The following KLF8 variants were observed in gnomAD, a reference collection of about 807,000 sequenced individuals.
The protein encoded by KLF8 is Krueppel-like factor 8.
Under a neutral mutation model 18.2 loss-of-function variants are expected in KLF8, and 10 were observed. The observed-to-expected ratio is 0.55, with a 90% CI of 0.34 to 0.93. KLF8 has a LOEUF of 0.93. Among genes scored for constraint, KLF8 ranks in the 40% least tolerant of loss-of-function variants. The pLI, the probability that KLF8 is intolerant of heterozygous loss-of-function variation, is 0.02. For missense variants in KLF8, 264 were observed against 277.9 expected, an observed-to-expected ratio of 0.95 and a Z score of 0.36; for synonymous variants, 109 against 97.3, an observed-to-expected ratio of 1.12 and a Z score of -0.71.
chrX:55,943,881 G>A, the KLF8 span, among the ~76,000 whole-genome samples: 1 of 112,151 alleles, frequency 8.9e-6, no homozygotes, highest in Admixed American at 9.4e-5. Flanking sequence ...GCTGGATGGG[G>A]TAGAGGTTTC....
At chrX:56,259,973 A>G (rs1280054851) in intron 2 of KLF8, among the ~76,000 whole-genome samples, 1 of 111,115 alleles carries the variant, frequency 9.0e-6, no homozygotes, top group African/African-American at 3.3e-5. Flanking sequence ...TCTGAAATCA[A>G]GTTATTGTCA....
At chrX:56,036,282 T>A in the KLF8 span, among the ~76,000 whole-genome samples, 2 of 111,644 alleles carry the variant, frequency 1.8e-5, no homozygotes, top group Non-Finnish European at 3.8e-5. Flanking sequence ...ATTTTCTCTA[T>A]ATTTTCTACT....
At chrX:56,229,083 G>T (rs1395050735), upstream of KLF8, among the ~76,000 whole-genome samples, 1 of 109,903 alleles carries the variant, frequency 9.1e-6, no homozygotes, top group Non-Finnish European at 1.9e-5. Context: ...TATTGTTGTT[G>T]TTCTACTGGG....
chrX:55,909,374 G>A, the KLF8 span, among the ~76,000 whole-genome samples: 1 of 112,505 alleles, frequency 8.9e-6, no homozygotes, highest in East Asian at 2.8e-4. Context: ...GTTGACTGCT[G>A]TTTTAGCTCA....
chrX:56,188,196 G>A, the KLF8 span, among the ~76,000 whole-genome samples: 1 of 111,119 alleles, frequency 9.0e-6, no homozygotes, highest in Admixed American at 9.6e-5. Flanking sequence ...CAAAATCAAT[G>A]TACAAAAATC....
At chrX:56,216,340 G>A in the KLF8 span, among the ~76,000 whole-genome samples, 1 of 109,749 alleles carries the variant, frequency 9.1e-6, no homozygotes, top group Non-Finnish European at 1.9e-5. Flanking sequence ...ATGTTAAGTG[G>A]CTCCTCAACA....
chrX:56,241,754 C>T (rs2066547614), intron 1 of KLF8, among the ~76,000 whole-genome samples: 1 of 111,865 alleles, frequency 8.9e-6, no homozygotes, highest in South Asian at 3.7e-4. Flanking sequence ...AATGATTTTC[C>T]CATTGTTTCA....
chrX:56,240,007 T>C (rs2066523543), intron 1 of KLF8, among the ~76,000 whole-genome samples: 1 of 112,398 alleles, frequency 8.9e-6, no homozygotes, highest in Non-Finnish European at 1.9e-5. Context: ...TGTTTCTTCC[T>C]ATACGTTCAA....
the KLF8 span, among the ~76,000 whole-genome samples, chrX:55,946,827 G>A: frequency 3.6e-5 from 4 of 111,159 alleles, no homozygotes; most frequent in Non-Finnish European, 7.5e-5. Flanking sequence ...GTGGGCAAAG[G>A]ACATGAACAG....
rs1303770230 is a variant in KLF8 at position 56,289,336 on chromosome X, C to A, written c.*4842C>A. On this transcript the variant is annotated 3_prime_UTR_variant, in exon 6 of 6. Transcript: ENST00000468660. ...CATCTTGTATATTTTGTGGCCTACTCCTATAATCAGCCATTTCTTCAAGAA... is the reference window on the plus strand; with the variant it reads ...CATCTTGTATATTTTGTGGCCTACTACTATAATCAGCCATTTCTTCAAGAA... Among the ~76,000 whole-genome samples, 1 of 110,452 alleles carries A rather than the reference C, an allele frequency of 9.1e-6. No homozygotes were observed. Among genetic ancestry groups the A allele is most frequent in the Non-Finnish European group, 1.9e-5 (1 of 52,908 alleles).
the KLF8 span, among the ~76,000 whole-genome samples, chrX:56,097,110 A>T: frequency 2.7e-5 from 3 of 111,780 alleles, no homozygotes; most frequent in African/African-American, 9.7e-5. Context: ...CTACACAAAC[A>T]ACTGTGATTA....
the KLF8 span, among the ~76,000 whole-genome samples, chrX:55,997,397 C>T: frequency 8.9e-6 from 1 of 111,882 alleles, no homozygotes. Context: ...CCAGCCAGCT[C>T]AAATGTCTGT....
At chrX:56,096,042 C>A in the KLF8 span, among the ~76,000 whole-genome samples, 1 of 111,624 alleles carries the variant, frequency 9.0e-6, no homozygotes, top group African/African-American at 3.2e-5. Context: ...GTCATGGAAT[C>A]AACATAAGTG....
chrX:56,193,436 G>T, the KLF8 span, among the ~76,000 whole-genome samples: 2 of 111,438 alleles, frequency 1.8e-5, no homozygotes, highest in Non-Finnish European at 3.8e-5. Flanking sequence ...TAAAAATAGT[G>T]TTGCCATATG....
chrX:56,049,406 T>C, the KLF8 span, among the ~76,000 whole-genome samples: 1 of 111,127 alleles, frequency 9.0e-6, no homozygotes, highest in Non-Finnish European at 1.9e-5. Context: ...TGTGGGTTTG[T>C]CATAGATAGC....
At chrX:55,969,613 G>C in the KLF8 span, among the ~76,000 whole-genome samples, 15 of 111,634 alleles carry the variant, frequency 1.3e-4, no homozygotes, top group Admixed American at 3.8e-4. Context: ...ACATGAAAAT[G>C]AAATGAAGAA....
At chrX:55,944,582 T>G in the KLF8 span, among the ~76,000 whole-genome samples, 3 of 111,904 alleles carry the variant, frequency 2.7e-5, no homozygotes, top group Non-Finnish European at 5.6e-5. Context: ...GTCGAGGAAT[T>G]TATCCATTTC....
At chrX:56,172,773 T>C in the KLF8 span, among the ~76,000 whole-genome samples, 3 of 112,002 alleles carry the variant, frequency 2.7e-5, no homozygotes, top group Non-Finnish European at 5.6e-5. Flanking sequence ...ACCTGTTGTT[T>C]CCTGACTTTT....
the KLF8 span, among the ~76,000 whole-genome samples, chrX:56,161,679 T>G: frequency 9.0e-6 from 1 of 111,690 alleles, no homozygotes; most frequent in Non-Finnish European, 1.9e-5. Context: ...GTAATTTTTT[T>G]TCAAGGTTTT....
Sources: gnomAD v4.1 joint callset for allele counts (sites outside exome capture counted in the v4.1 genomes callset) on GRCh38, gnomAD v4.1.1 for gene constraint, MANE v1.5 for transcripts, NCBI Gene and HGNC (gene_info 2026-07-23, HGNC 2026-07-21) for gene names.